ARHGAP35: variants seen among roughly 807,000 people sequenced by gnomAD.
ARHGAP35 encodes the protein Rho GTPase activating protein 35.
In ARHGAP35, 15 loss-of-function variants were observed where a neutral mutation model predicts 111.1. That is an observed-to-expected ratio of 0.13 (90% CI 0.09 to 0.21). The LOEUF is 0.21. ARHGAP35 is among the 10% of genes least tolerant of loss of function. The pLI, the probability that ARHGAP35 is intolerant of heterozygous loss-of-function variation, is 1.00. For missense variants in ARHGAP35, 1,262 were observed against 1,873.0 expected (o/e 0.67, Z 6.02); for synonymous variants, 643 against 710.3 (o/e 0.91, Z 1.51).
chr19:46,906,045 G>C (rs890983256), intron 1 of ARHGAP35, among the ~76,000 whole-genome samples: 32 of 151,882 alleles, frequency 2.1e-4, no homozygotes, highest in Non-Finnish European at 3.8e-4. Context: ...AGCTAGGTAA[G>C]GTGGCTCACA....
rs772088673 is a variant in ARHGAP35 at position 46,921,155 on chromosome 19, G to A, written c.2480G>A (p.Gly827Glu). The A allele has an allele frequency of 1.9e-6, 3 of 1,613,976 alleles. No individual in the cohort carries two copies. The highest frequency in any genetic ancestry group is 2.2e-5 in the South Asian group (2 of 91,082). Reference sequence around the variant, plus strand: ...TCTGTTTTACTTGAACTACCAATCGGACTGCACAAGAAGCGGATTGAACTG... The same window carrying A: ...TCTGTTTTACTTGAACTACCAATCGAACTGCACAAGAAGCGGATTGAACTG... The part of the protein sequence containing the change: ...NNSVLLELPI[G>E]LHKKRIELSV... Residue 827 changes from glycine to glutamate, a missense_variant, in exon 2 of 7, where the codon GGA (glycine) becomes GAA (glutamate). Coordinates refer to ENST00000672722, the MANE Select transcript of ARHGAP35 (RefSeq NM_004491.5). This position sits in a 1 kb window ranked among gnomAD's most constrained non-coding sequence, Gnocchi z 4.3.
intron 2 of ARHGAP35, among the ~76,000 whole-genome samples, chr19:46,929,060 G>A (rs1278514434): frequency 3.9e-5 from 6 of 152,120 alleles, no homozygotes; most frequent in Admixed American, 6.5e-5. Context: ...CTGTTCATCC[G>A]TAAATAAAGA....
chr19:46,934,397 T>C (rs1405238006), intron 2 of ARHGAP35, among the ~76,000 whole-genome samples: 2 of 152,224 alleles, frequency 1.3e-5, no homozygotes, highest in Non-Finnish European at 2.9e-5. Flanking sequence ...AGACACAGTC[T>C]TGCTCTGTCG....
In ARHGAP35 at chr19:47,003,283, G is replaced by A. The variant is rs1176821963; in HGVS notation, c.*2595G>A. The A allele has an allele frequency of 6.6e-6, 1 of 152,338 alleles. No homozygotes were observed. The highest frequency in any genetic ancestry group is 2.4e-5 in the African/African-American group (1 of 41,456). 9.4% of individuals were successfully genotyped at this position (152,338 alleles called of 1,614,324 possible). A position where few individuals can be genotyped will look rare whatever the true frequency, so the allele number is the denominator to read the frequency against. ...TGCTGCCCCCACTCCCGCTTTTGTTGGGGCTCTAAGTTCTGGAAGGTGTGT... is the reference window on the plus strand; with the variant it reads ...TGCTGCCCCCACTCCCGCTTTTGTTAGGGCTCTAAGTTCTGGAAGGTGTGT... On this transcript the variant is annotated 3_prime_UTR_variant, in exon 7 of 7. Transcript: ENST00000672722.
At chr19:46,957,152 G>A (rs933175563) in intron 3 of ARHGAP35, among the ~76,000 whole-genome samples, 1 of 151,690 alleles carries the variant, frequency 6.6e-6, no homozygotes, top group East Asian at 1.9e-4. Context: ...TAATAGAGAC[G>A]GGGTTTCACC....
At chr19:46,910,498 G>C (rs911725383) in intron 1 of ARHGAP35, among the ~76,000 whole-genome samples, 1 of 151,188 alleles carries the variant, frequency 6.6e-6, no homozygotes, top group African/African-American at 2.4e-5. Flanking sequence ...CACCATGTTG[G>C]CCAGGCTGGT....
chr19:46,913,470 C>T (rs1599813278), intron 1 of ARHGAP35, among the ~76,000 whole-genome samples: 1 of 151,910 alleles, frequency 6.6e-6, no homozygotes, highest in South Asian at 2.1e-4. Flanking sequence ...AAGAAAACAC[C>T]CTCCTTCTAC....
chr19:46,868,157 C>T (rs57962141), intron 1 of ARHGAP35, among the ~76,000 whole-genome samples: 7 of 152,316 alleles, frequency 4.6e-5, no homozygotes, highest in African/African-American at 1.4e-4. Context: ...TGTGAGCTAC[C>T]GCGCCTGGCT....
chr19:46,903,952 G>A (rs900164939), intron 1 of ARHGAP35, among the ~76,000 whole-genome samples: 3 of 151,808 alleles, frequency 2.0e-5, no homozygotes, highest in Admixed American at 2.0e-4. Flanking sequence ...GTGGCTAGGT[G>A]CCATATAGAA....
chr19:46,987,218 C>CTTTTTTTTTTTTTTTTTTT (rs370500363), intron 3 of ARHGAP35, among the ~76,000 whole-genome samples: 1 of 115,590 alleles, frequency 8.7e-6, no homozygotes, highest in Admixed American at 9.0e-5. Context: ...TCTTTTTTTT[C>CTTTTTTTTTTTTTTTTTTT]TTTTTTTTTT....
At position 47,001,746 on chromosome 19, in the gene ARHGAP35, G is replaced by A; in HGVS notation, c.*1058G>A. On this transcript the variant is annotated 3_prime_UTR_variant, in exon 7 of 7. Transcript: ENST00000672722. The surrounding 1 kb of genome is among the most constrained non-coding windows in gnomAD (Gnocchi z 5.4). ...ATGTGCGTGGGGTGGGGGTGTGTGT[G>A]CACATGTGAGTGTGAGTGTGTGTGG... The A allele has an allele frequency of 3.4e-6, 1 of 293,954 alleles. No individual in the cohort carries two copies. The highest frequency in any genetic ancestry group is 6.7e-6 in the Non-Finnish European group (1 of 149,866). 18.2% of individuals were successfully genotyped at this position (293,954 alleles called of 1,614,324 possible).
At chr19:46,878,375 C>T (rs1474783789) in intron 1 of ARHGAP35, among the ~76,000 whole-genome samples, 1 of 152,026 alleles carries the variant, frequency 6.6e-6, no homozygotes, top group Non-Finnish European at 1.5e-5. Flanking sequence ...GGCTGGGGTG[C>T]GGTGGTGCAG....
rs2122195642 is a variant in ARHGAP35 at position 46,920,055 on chromosome 19, G to T, written c.1380G>T (p.Met460Ile). 1 of 1,613,642 alleles carries T rather than the reference G, an allele frequency of 6.2e-7. No homozygotes were observed. Residue 460 changes from methionine (M) to isoleucine (I), a missense_variant, in exon 2 of 7, where the codon ATG (methionine) becomes ATT (isoleucine). Met to Ile is a conservative substitution (Grantham distance 10, BLOSUM62 1). Around this residue, in one of 8 missense-constraint regions of ARHGAP35, gnomAD observed 328 missense variants for 440.8 expected, o/e 0.74. Transcript: ENST00000672722. The surrounding 1 kb of genome is among the most constrained non-coding windows in gnomAD (Gnocchi z 7.0). ...KPWEEARSFI[M>I]NEDFYQWLEE... ...GGGAAGAGGCCCGTAGTTTTATTAT[G>T]AATGAGGATTTCTACCAGTGGCTGG...
At chr19:46,976,887 CCTT>C (rs2056582671) in intron 3 of ARHGAP35, among the ~76,000 whole-genome samples, 2 of 152,226 alleles carry the variant, frequency 1.3e-5, no homozygotes, top group South Asian at 2.1e-4. Flanking sequence ...CACACGCACA[CCTT>C]CTGTGCTGCC....
rs552303335 is a variant in ARHGAP35 at position 46,977,839 on chromosome 19, A to G, written c.3827-10150A>G. ...ATAAAATGGGAAGAAGAATGGTAGA[A>G]TACAACTCACAGAGCTGGTGTGAGG... On this transcript the variant is annotated intron_variant, in intron 3 of 6. Coordinates refer to ENST00000672722, the MANE Select transcript of ARHGAP35 (RefSeq NM_004491.5). Among the ~76,000 whole-genome samples, 783 of 152,360 alleles carry G rather than the reference A, an allele frequency of 5.1e-3. 12 individuals carry two copies. The highest frequency in any genetic ancestry group is 8.2e-3 in the Non-Finnish European group (557 of 68,030).
Position 47,001,225 on chromosome 19 carries a change from G to C in ARHGAP35, c.*537G>C. On this transcript the variant is annotated 3_prime_UTR_variant, in exon 7 of 7. Transcript: ENST00000672722. This position sits in a 1 kb window ranked among gnomAD's most constrained non-coding sequence, Gnocchi z 5.4. ...GTAGGCCACGGCTCTGCCACCACTA[G>C]GTACCTGCTGAGGGCGCTGGCTCTG... The C allele has an allele frequency of 7.8e-7, 1 of 1,279,598 alleles. No individual in the cohort carries two copies. 79.3% of individuals were successfully genotyped at this position (1,279,598 alleles called of 1,614,324 possible).
intron 5 of ARHGAP35, among the ~76,000 whole-genome samples, chr19:46,991,447 T>C (rs1238308817): frequency 6.6e-6 from 1 of 152,162 alleles, no homozygotes; most frequent in Non-Finnish European, 1.5e-5. Context: ...CGGGAGGTGC[T>C]ATTGATAGGG....
intron 3 of ARHGAP35, among the ~76,000 whole-genome samples, chr19:46,968,314 T>G (rs1324151547): frequency 6.6e-6 from 1 of 152,112 alleles, no homozygotes; most frequent in Admixed American, 6.5e-5. Flanking sequence ...GGCATGCGTG[T>G]GAAACATTTA....
intron 3 of ARHGAP35, among the ~76,000 whole-genome samples, chr19:46,965,668 A>G (rs915746255): frequency 3.3e-5 from 5 of 152,006 alleles, no homozygotes; most frequent in Admixed American, 1.3e-4. Context: ...TATTTTTTGT[A>G]GAGATGGGGT....
Sources: allele counts gnomAD v4.1 joint callset (sites outside exome capture counted in the v4.1 genomes callset), GRCh38; gene constraint gnomAD v4.1.1; regional missense constraint gnomAD v4.1.1; non-coding constraint Gnocchi (gnomAD v3.1); transcripts MANE v1.5; gene names NCBI Gene and HGNC (gene_info 2026-07-23, HGNC 2026-07-21).